The following PUM1 variants were observed in gnomAD, a reference collection of about 807,000 sequenced individuals.
PUM1 encodes the protein pumilio homolog 1.
Under a neutral mutation model 131.8 loss-of-function variants are expected in PUM1, and 13 were observed. That is an observed-to-expected ratio of 0.10 (90% confidence interval 0.06 to 0.16). PUM1 has a LOEUF of 0.16. Among genes scored for constraint, PUM1 ranks in the 10% least tolerant of loss-of-function variants. The probability of loss-of-function intolerance (pLI) is 1.00; values close to 1 mark genes in which losing one functional copy is unlikely to be tolerated. For synonymous variants in PUM1, 509 were observed against 556.5 expected, an observed-to-expected ratio of 0.91 and a Z score of 1.20; for missense variants, 961 against 1,512.4, an observed-to-expected ratio of 0.64 and a Z score of 6.05.
At chr1:31,058,513 A>C (rs1644296837) in intron 2 of PUM1, among the ~76,000 whole-genome samples, 1 of 151,994 alleles carries the variant, frequency 6.6e-6, no homozygotes, top group African/African-American at 2.4e-5. Flanking sequence ...AATACAAAAA[A>C]TTAGCCAGGC....
intron 7 of PUM1, among the ~76,000 whole-genome samples, chr1:30,984,959 C>A (rs1641493267): frequency 6.6e-6 from 1 of 152,096 alleles, no homozygotes; most frequent in African/African-American, 2.4e-5. Flanking sequence ...AATGTACTGC[C>A]AGCCCTGACT....
At chr1:31,041,368 C>T (rs916442463) in intron 2 of PUM1, among the ~76,000 whole-genome samples, 2 of 151,174 alleles carry the variant, frequency 1.3e-5, no homozygotes, top group Admixed American at 6.6e-5. Context: ...TGAGCCATCA[C>T]GGCCAGTCAA....
chr1:31,037,648 A>G (rs1643656067), intron 2 of PUM1, among the ~76,000 whole-genome samples: 1 of 152,026 alleles, frequency 6.6e-6, no homozygotes, highest in Non-Finnish European at 1.5e-5. Context: ...TGAACCAAGG[A>G]AGCGGCCAAG....
intron 1 of PUM1, among the ~76,000 whole-genome samples, chr1:31,062,296 G>A (rs747103406): frequency 6.6e-6 from 1 of 152,118 alleles, no homozygotes; most frequent in Non-Finnish European, 1.5e-5. Context: ...ACTTAAGATA[G>A]AACACTTGCC....
intron 2 of PUM1, among the ~76,000 whole-genome samples, chr1:31,043,988 T>G (rs1042345452): frequency 2.6e-5 from 4 of 151,964 alleles, no homozygotes; most frequent in Non-Finnish European, 4.4e-5. Flanking sequence ...GAAAAAAACT[T>G]GAACACAAAT....
At chr1:30,981,699 TATGAG>T (rs1463395003) in intron 7 of PUM1, among the ~76,000 whole-genome samples, 9 of 144,826 alleles carry the variant, frequency 6.2e-5, no homozygotes, top group African/African-American at 2.3e-4. Context: ...CACACACACA[TATGAG>T]ATATCTATAT....
chr1:31,018,901 C>T (rs1329066504), intron 3 of PUM1, among the ~76,000 whole-genome samples: 2 of 152,146 alleles, frequency 1.3e-5, no homozygotes, highest in Admixed American at 1.3e-4. Context: ...AATAAAAACA[C>T]AAACAGATCC....
intron 3 of PUM1, among the ~76,000 whole-genome samples, chr1:31,012,400 T>C (rs1452981514): frequency 3.3e-5 from 5 of 151,976 alleles, no homozygotes; most frequent in Non-Finnish European, 5.9e-5. Flanking sequence ...TAAATAGACC[T>C]TGTACTCTTT....
chr1:30,945,247 T>G, intron 18 of PUM1, 99 bp downstream of exon 18: 1 of 1,370,528 alleles, frequency 7.3e-7, no homozygotes, highest in South Asian at 1.3e-5. Context: ...AAAAATAAAG[T>G]ACATTAAGCA....
chr1:30,971,768 A>G (rs1640880087), intron 10 of PUM1, among the ~76,000 whole-genome samples: 1 of 152,262 alleles, frequency 6.6e-6, no homozygotes, highest in African/African-American at 2.4e-5. Flanking sequence ...TAGAAATTAC[A>G]TGTACAGCAC....
At chr1:31,041,306 G>A (rs902356591) in intron 2 of PUM1, among the ~76,000 whole-genome samples, 1 of 151,818 alleles carries the variant, frequency 6.6e-6, no homozygotes, top group African/African-American at 2.4e-5. Context: ...CCAACTCCTA[G>A]ACTCAAGTGA....
At chr1:31,037,776 C>T (rs1329738349) in intron 2 of PUM1, among the ~76,000 whole-genome samples, 4 of 151,884 alleles carry the variant, frequency 2.6e-5, no homozygotes, top group Admixed American at 2.6e-4. Context: ...TAGGGCCGGG[C>T]GTGGTGGCTC....
chr1:30,973,652 A>G (rs547446003), intron 10 of PUM1, among the ~76,000 whole-genome samples: 1 of 152,346 alleles, frequency 6.6e-6, no homozygotes, highest in African/African-American at 2.4e-5. Context: ...AACCACGTGG[A>G]CACAATAATG....
At chr1:31,019,444 C>T (rs1312664895) in intron 3 of PUM1, among the ~76,000 whole-genome samples, 2 of 152,198 alleles carry the variant, frequency 1.3e-5, no homozygotes, top group African/African-American at 2.4e-5. Flanking sequence ...AACTTCAAAA[C>T]GCACAGGGGT....
intron 3 of PUM1, among the ~76,000 whole-genome samples, chr1:31,010,296 C>A (rs146931934): frequency 6.6e-6 from 1 of 152,316 alleles, no homozygotes; most frequent in African/African-American, 2.4e-5. Flanking sequence ...TAATGATCTT[C>A]ACTTACAAGT....
chr1:30,995,345 T>G, intron 5 of PUM1, 125 bp from the exon 6 acceptor site: 1 of 1,005,766 alleles, frequency 9.9e-7, no homozygotes. Flanking sequence ...TTTCACACAT[T>G]ACAATCTAAT....
Position 30,932,625 on chromosome 1 carries a change from T to C in PUM1, c.*586A>G, listed in dbSNP as rs1371505818. 7.2e-6 allele frequency: 1 copy of C among 139,418 alleles called. No individual in the cohort carries two copies. Among genetic ancestry groups the C allele is most frequent in the Admixed American group, 7.6e-5 (1 of 13,174 alleles). 8.6% of individuals were successfully genotyped at this position (139,418 alleles called of 1,614,324 possible). On this transcript the variant is annotated 3_prime_UTR_variant, in exon 22 of 22. Coordinates refer to ENST00000426105, the MANE Select transcript of PUM1 (RefSeq NM_001020658.2). Reference sequence around the variant, plus strand: ...TCACAAACTGAAGCTTTAGCAACTCTGAAACCTTTTTCATTATATATATAT... The same window carrying C: ...TCACAAACTGAAGCTTTAGCAACTCCGAAACCTTTTTCATTATATATATAT...
At chr1:30,958,661 CT>C (rs1284655883) in intron 14 of PUM1, among the ~76,000 whole-genome samples, 1 of 152,112 alleles carries the variant, frequency 6.6e-6, no homozygotes, top group Non-Finnish European at 1.5e-5. Flanking sequence ...ACATCCCTTA[CT>C]TTTTTTCTCT....
intron 14 of PUM1, among the ~76,000 whole-genome samples, chr1:30,954,373 G>C (rs1264179893): frequency 1.3e-5 from 2 of 152,138 alleles, no homozygotes; most frequent in African/African-American, 4.8e-5. Context: ...TCTGAGATCT[G>C]CGGAGATTCC....
Sources: allele counts gnomAD v4.1 joint callset (sites outside exome capture counted in the v4.1 genomes callset), GRCh38; gene constraint gnomAD v4.1.1; transcripts MANE v1.5; gene names NCBI Gene and HGNC (gene_info 2026-07-23, HGNC 2026-07-21).